Variants in MDGA2 observed in about 807,000 individuals in gnomAD.
MDGA2 encodes the protein MAM domain containing glycosylphosphatidylinositol anchor 2.
A neutral mutation model predicts 117.8 loss-of-function variants in MDGA2; 40 were observed. The observed-to-expected ratio is 0.34, with a 90% CI of 0.26 to 0.44. The LOEUF (loss-of-function observed/expected upper bound fraction) is 0.44. MDGA2 is among the 20% of genes least tolerant of loss of function. The pLI, the probability that MDGA2 is intolerant of heterozygous loss-of-function variation, is 1.00. For missense variants in MDGA2, 1,123 were observed against 1,250.6 expected (o/e 0.90, Z 1.54); for synonymous variants, 452 against 439.0 (o/e 1.03, Z -0.37).
At chr14:47,140,663 G>A (rs1882679605) in intron 4 of MDGA2, among the ~76,000 whole-genome samples, 3 of 151,970 alleles carry the variant, frequency 2.0e-5, no homozygotes, top group Non-Finnish European at 2.9e-5. Flanking sequence ...CTATCTCTCC[G>A]CATATAAAAA....
At chr14:47,178,489 T>A (rs1884567651) in intron 3 of MDGA2, among the ~76,000 whole-genome samples, 1 of 152,208 alleles carries the variant, frequency 6.6e-6, no homozygotes, top group South Asian at 2.1e-4. Context: ...AATACCTTTT[T>A]TCCAGTCTAT....
intron 3 of MDGA2, among the ~76,000 whole-genome samples, chr14:47,214,430 G>C (rs929564187): frequency 6.6e-6 from 1 of 151,888 alleles, no homozygotes; most frequent in Non-Finnish European, 1.5e-5. Context: ...AAAATTATAG[G>C]TCCTATAAAT....
At position 47,200,991 on chromosome 14, in the gene MDGA2, G is replaced by T; in HGVS notation, c.595+17030C>A. On this transcript the variant is annotated intron_variant, in intron 3 of 16. Transcript: ENST00000399232. ...AATTGCCAGAAATGTTGATGCCTTC[G>T]CAGCATACGACCACCACTTTCCTGC... 3.6e-6 allele frequency: 3 copies of T among 839,430 alleles called. No homozygotes were observed. The South Asian group carries it at 4.0e-5, about 11-fold the overall frequency. The allele number at this position is 839,430 out of a possible 1,614,324, so 52.0% of individuals were successfully genotyped here.
intron 1 of MDGA2, among the ~76,000 whole-genome samples, chr14:47,458,902 C>A (rs956080450): frequency 6.0e-5 from 9 of 150,102 alleles, no homozygotes; most frequent in African/African-American, 2.2e-4. Flanking sequence ...GCAGCGCTTC[C>A]AGTTCAATTT....
intron 1 of MDGA2, among the ~76,000 whole-genome samples, chr14:47,508,750 G>GCTCACTGCAAGCTCCGC (rs1345374516): frequency 6.6e-6 from 1 of 152,126 alleles, no homozygotes. Context: ...TGCCATCACG[G>GCTCACTGCAAGCTCCGC]CTCACTGCAA....
chr14:47,579,130 T>C (rs531600259), intron 1 of MDGA2, among the ~76,000 whole-genome samples: 2 of 151,968 alleles, frequency 1.3e-5, no homozygotes, highest in South Asian at 4.1e-4. Flanking sequence ...TGAAACATAC[T>C]AACCTCTTTT....
At position 47,675,146 on chromosome 14, in the gene MDGA2, A is replaced by G. The variant is rs148014231; in HGVS notation, c.-350T>C. On this transcript the variant is annotated 5_prime_UTR_variant, in exon 1 of 17. Coordinates refer to ENST00000399232, the MANE Select transcript of MDGA2 (RefSeq NM_001113498.3). Reference sequence around the variant, plus strand: ...TCTCTTGCCTGGATTCGCCTTTACAAAGTAACTCGCGAAGGTCCCCGGAGG... The same window carrying G: ...TCTCTTGCCTGGATTCGCCTTTACAGAGTAACTCGCGAAGGTCCCCGGAGG... Among the ~76,000 whole-genome samples, 1,093 of 151,950 alleles carry G rather than the reference A, an allele frequency of 7.2e-3. 7 individuals carry two copies. The highest frequency in any genetic ancestry group is 0.034 in the Middle Eastern group (10 of 294).
intron 6 of MDGA2, among the ~76,000 whole-genome samples, chr14:47,065,050 A>C (rs544847300): frequency 6.0e-4 from 91 of 152,242 alleles, no homozygotes; most frequent in African/African-American, 2.0e-3. Context: ...AGCCTGAGAG[A>C]ACATTAGATT....
At chr14:47,007,266 T>C (rs1344006767) in intron 8 of MDGA2, among the ~76,000 whole-genome samples, 2 of 151,780 alleles carry the variant, frequency 1.3e-5, no homozygotes, top group African/African-American at 4.8e-5. Context: ...AAATATCAAA[T>C]ACAAATGCTT....
intron 1 of MDGA2, among the ~76,000 whole-genome samples, chr14:47,643,617 C>A (rs376312749): frequency 6.6e-6 from 1 of 152,116 alleles, no homozygotes; most frequent in Non-Finnish European, 1.5e-5. Flanking sequence ...CAAATGTTAA[C>A]GTACCTAACA....
At chr14:47,557,038 A>G (rs924340294) in intron 1 of MDGA2, among the ~76,000 whole-genome samples, 2 of 152,198 alleles carry the variant, frequency 1.3e-5, no homozygotes, top group African/African-American at 4.8e-5. Flanking sequence ...AAGCTCCACA[A>G]TGGCATAGCT....
At chr14:47,182,195 A>G (rs1594702951) in intron 3 of MDGA2, among the ~76,000 whole-genome samples, 1 of 152,124 alleles carries the variant, frequency 6.6e-6, no homozygotes, top group Non-Finnish European at 1.5e-5. Flanking sequence ...CTAAAGGGGT[A>G]GATTTTTTTT....
At chr14:47,654,320 G>A (rs1897699545) in intron 1 of MDGA2, among the ~76,000 whole-genome samples, 1 of 152,058 alleles carries the variant, frequency 6.6e-6, no homozygotes, top group Non-Finnish European at 1.5e-5. Flanking sequence ...GACACTAGGT[G>A]CCTACAGAAG....
At chr14:47,369,435 T>C (rs191464815) in intron 1 of MDGA2, among the ~76,000 whole-genome samples, 11 of 152,238 alleles carry the variant, frequency 7.2e-5, no homozygotes, top group Non-Finnish European at 1.5e-5. Context: ...TTTTTAAGAT[T>C]GACACTATTT....
chr14:47,471,815 T>C (rs1893734210), intron 1 of MDGA2, among the ~76,000 whole-genome samples: 1 of 152,062 alleles, frequency 6.6e-6, no homozygotes, highest in African/African-American at 2.4e-5. Flanking sequence ...TCCAATTTTA[T>C]ATAATAATAA....
intron 9 of MDGA2, among the ~76,000 whole-genome samples, chr14:46,936,871 A>G (rs1243548860): frequency 6.6e-6 from 1 of 152,058 alleles, no homozygotes; most frequent in Non-Finnish European, 1.5e-5. Flanking sequence ...TGTTTTTTTC[A>G]AAGAACTGGA....
intron 7 of MDGA2, among the ~76,000 whole-genome samples, chr14:47,048,076 T>C (rs1472096613): frequency 6.6e-6 from 1 of 152,080 alleles, no homozygotes; most frequent in African/African-American, 2.4e-5. Flanking sequence ...ATAATACAGA[T>C]ATCTCAGCTC....
chr14:47,432,982 CT>C (rs1280714932), intron 1 of MDGA2, among the ~76,000 whole-genome samples: 1 of 151,816 alleles, frequency 6.6e-6, no homozygotes, highest in African/African-American at 2.4e-5. Context: ...GTGTCAAATA[CT>C]GGGACACAAA....
chr14:47,471,465 G>T (rs1893727592), intron 1 of MDGA2, among the ~76,000 whole-genome samples: 1 of 152,000 alleles, frequency 6.6e-6, no homozygotes, highest in South Asian at 2.1e-4. Context: ...ACCAATCTAA[G>T]AAATACAATT....
Sources: allele counts gnomAD v4.1 joint callset (sites outside exome capture counted in the v4.1 genomes callset), GRCh38; gene constraint gnomAD v4.1.1; transcripts MANE v1.5; gene names NCBI Gene and HGNC (gene_info 2026-07-23, HGNC 2026-07-21).